ACSL3: variants seen among roughly 807,000 people sequenced by gnomAD.
The protein encoded by ACSL3 is fatty acid CoA ligase Acsl3.
In ACSL3, 34 loss-of-function variants were observed where a neutral mutation model predicts 84.7. The ratio of observed to expected loss-of-function variants is 0.40; its 90% CI spans 0.31 to 0.53. The LOEUF (loss-of-function observed/expected upper bound fraction) is 0.53. Ranked by LOEUF, ACSL3 falls within the 20% of genes least tolerant of loss-of-function variation. The pLI, the probability that ACSL3 is intolerant of heterozygous loss-of-function variation, is 0.48. For missense variants in ACSL3, 680 were observed against 873.1 expected, an observed-to-expected ratio of 0.78 and a Z score of 2.79; for synonymous variants, 315 against 299.4, an observed-to-expected ratio of 1.05 and a Z score of -0.54.
intron 4 of ACSL3, among the ~76,000 whole-genome samples, chr2:222,914,989 A>G (rs1231293728): frequency 6.6e-6 from 1 of 152,268 alleles, no homozygotes; most frequent in East Asian, 1.9e-4. Flanking sequence ...ATGAGTTTAC[A>G]TATTTAGATT....
intron 12 of ACSL3, 112 bp from the exon 13 acceptor site, chr2:222,928,750 T>G: frequency 1.1e-6 from 1 of 885,766 alleles, no homozygotes; most frequent in Non-Finnish European, 1.8e-6. Flanking sequence ...TTTTAAGGAA[T>G]AGCTGGGGAT....
intron 1 of ACSL3, among the ~76,000 whole-genome samples, chr2:222,865,228 T>C (rs1695106770): frequency 6.6e-6 from 1 of 152,262 alleles, no homozygotes; most frequent in Non-Finnish European, 1.5e-5. Context: ...GTTTAGCTTC[T>C]GTTATTATTG....
chr2:222,901,268 CT>C (rs1288241587), intron 3 of ACSL3, among the ~76,000 whole-genome samples: 7 of 152,272 alleles, frequency 4.6e-5, no homozygotes, highest in African/African-American at 1.7e-4. Context: ...AGGGTTACAA[CT>C]TTTGCTTGTT....
intron 4 of ACSL3, among the ~76,000 whole-genome samples, chr2:222,913,420 T>C (rs907770032): frequency 2.0e-5 from 3 of 152,142 alleles, no homozygotes; most frequent in African/African-American, 7.2e-5. Context: ...TGTGGGTTGG[T>C]TATTATATTA....
intron 1 of ACSL3, among the ~76,000 whole-genome samples, chr2:222,884,264 A>G (rs1273469429): frequency 2.0e-5 from 3 of 152,232 alleles, no homozygotes; most frequent in Admixed American, 1.3e-4. Flanking sequence ...AATAAAAGTT[A>G]GAAGACTTTT....
intron 3 of ACSL3, among the ~76,000 whole-genome samples, chr2:222,907,679 C>T (rs770275097): frequency 2.7e-5 from 4 of 150,916 alleles, no homozygotes; most frequent in African/African-American, 7.3e-5. Context: ...GAGAGAGAAT[C>T]GCTTGAGTCC....
intron 1 of ACSL3, among the ~76,000 whole-genome samples, chr2:222,871,959 C>A (rs35366410): frequency 1.3e-5 from 2 of 151,904 alleles, no homozygotes; most frequent in East Asian, 3.9e-4. Flanking sequence ...CATTCCCCCC[C>A]ACCCCCGACT....
chr2:222,926,907 A>G (rs994955747), intron 11 of ACSL3, 110 bp from the exon 12 acceptor site: 54 of 1,223,666 alleles, frequency 4.4e-5, no homozygotes, highest in South Asian at 9.9e-5. Flanking sequence ...ACCTTGGATA[A>G]GTAACTTAAT....
At chr2:222,921,204 A>G in intron 7 of ACSL3, 76 bp from the exon 8 acceptor site, 3 of 1,463,768 alleles carry the variant, frequency 2.0e-6, no homozygotes, top group Non-Finnish European at 2.8e-6. Flanking sequence ...TATTTATTTG[A>G]TGATAATGAA....
At chr2:222,900,311 T>C (rs1214822584) in intron 2 of ACSL3, among the ~76,000 whole-genome samples, 2 of 152,188 alleles carry the variant, frequency 1.3e-5, no homozygotes, top group Non-Finnish European at 2.9e-5. Context: ...TCCTCAGTGG[T>C]ACTTTCTCCT....
intron 1 of ACSL3, among the ~76,000 whole-genome samples, chr2:222,865,115 T>C (rs1695104309): frequency 3.3e-5 from 5 of 152,238 alleles, no homozygotes; most frequent in Admixed American, 3.3e-4. Context: ...TTAAATCCTG[T>C]GGTGCCTTCC....
intron 7 of ACSL3, among the ~76,000 whole-genome samples, chr2:222,919,888 A>C (rs1227732413): frequency 6.6e-6 from 1 of 152,116 alleles, no homozygotes; most frequent in Non-Finnish European, 1.5e-5. Flanking sequence ...AAAGTCTAGT[A>C]CTCGAGTTAT....
At chr2:222,898,582 T>G (rs1354145512) in intron 2 of ACSL3, among the ~76,000 whole-genome samples, 1 of 152,196 alleles carries the variant, frequency 6.6e-6, no homozygotes, top group Non-Finnish European at 1.5e-5. Flanking sequence ...CATTGCACTT[T>G]GGGAGGCCGA....
In ACSL3 at chr2:222,878,643, C is replaced by T. The variant is rs551984857; in HGVS notation, c.-206-9187C>T. ...ATGACTGTGACCTCTGCATCTTCAG[C>T]TGTTTGGAGCCCCAGCCCTGTATTT... On this transcript the variant is annotated intron_variant, in intron 1 of 16. Transcript: ENST00000357430. 2.6e-5 allele frequency among the ~76,000 whole-genome samples: 4 copies of T among 152,306 alleles called. No homozygotes were observed. The South Asian group carries it at 8.3e-4, about 32-fold the overall frequency.
At chr2:222,923,894 G>T (rs1696804931) in intron 10 of ACSL3, among the ~76,000 whole-genome samples, 2 of 152,108 alleles carry the variant, frequency 1.3e-5, no homozygotes, top group Non-Finnish European at 2.9e-5. Flanking sequence ...ATTATTTTAA[G>T]TCATTAAAGT....
chr2:222,912,047 T>A (rs2106120436), intron 4 of ACSL3, among the ~76,000 whole-genome samples: 2 of 152,366 alleles, frequency 1.3e-5, no homozygotes, highest in East Asian at 3.9e-4. Context: ...CATCAAACTT[T>A]GTTCAGAAGG....
At chr2:222,874,325 T>G (rs1695389429) in intron 1 of ACSL3, among the ~76,000 whole-genome samples, 1 of 152,180 alleles carries the variant, frequency 6.6e-6, no homozygotes, top group African/African-American at 2.4e-5. Context: ...GTGCCCGGCC[T>G]TGTACTTCCA....
intron 1 of ACSL3, among the ~76,000 whole-genome samples, chr2:222,879,023 ACAC>A (rs548969218): frequency 2.8e-4 from 43 of 152,286 alleles, no homozygotes; most frequent in African/African-American, 1.0e-3. Flanking sequence ...AAAAACAACA[ACAC>A]ACATTTAGGA....
chr2:222,890,817 T>C (rs1251020833), intron 2 of ACSL3, among the ~76,000 whole-genome samples: 1 of 152,074 alleles, frequency 6.6e-6, no homozygotes, highest in Non-Finnish European at 1.5e-5. Flanking sequence ...AATTTTTATA[T>C]TTTTTAATAG....
Sources: gnomAD v4.1 joint callset for allele counts (sites outside exome capture counted in the v4.1 genomes callset) on GRCh38, gnomAD v4.1.1 for gene constraint, MANE v1.5 for transcripts, NCBI Gene and HGNC (gene_info 2026-07-23, HGNC 2026-07-21) for gene names.